The following HIBADH variants were observed in gnomAD, a reference collection of about 807,000 sequenced individuals.
HIBADH encodes the protein 3-hydroxyisobutyrate dehydrogenase, mitochondrial.
Under a neutral mutation model 36.1 loss-of-function variants are expected in HIBADH, and 25 were observed. The ratio of observed to expected loss-of-function variants is 0.69; its 90% CI spans 0.50 to 0.97. HIBADH has a LOEUF of 0.97. Among genes scored for constraint, HIBADH ranks in the 50% least tolerant of loss-of-function variants. The pLI, the probability that HIBADH is intolerant of heterozygous loss-of-function variation, is 0.00. For missense variants in HIBADH, 421 were observed against 418.0 expected, an observed-to-expected ratio of 1.01 and a Z score of -0.06; for synonymous variants, 160 against 149.5, an observed-to-expected ratio of 1.07 and a Z score of -0.51.
chr7:27,547,257 T>C (rs935061396), intron 4 of HIBADH, among the ~76,000 whole-genome samples: 1 of 152,216 alleles, frequency 6.6e-6, no homozygotes, highest in Non-Finnish European at 1.5e-5. Context: ...TTCCCCCAGA[T>C]ACTCATGACT....
At chr7:27,530,224 G>A (rs1349970044) in intron 7 of HIBADH, among the ~76,000 whole-genome samples, 1 of 150,380 alleles carries the variant, frequency 6.6e-6, no homozygotes, top group Non-Finnish European at 1.5e-5. Flanking sequence ...TTTTCTATTT[G>A]AGACGAAGTC....
chr7:27,526,443 G>T, intron 7 of HIBADH, 71 bp from the exon 8 acceptor site: 1 of 1,246,100 alleles, frequency 8.0e-7, no homozygotes, highest in Non-Finnish European at 1.1e-6. Context: ...GGTTCCTTAT[G>T]TTTTGGTTTG....
intron 4 of HIBADH, among the ~76,000 whole-genome samples, chr7:27,599,343 C>T (rs953830210): frequency 6.6e-6 from 1 of 152,158 alleles, no homozygotes; most frequent in African/African-American, 2.4e-5. Context: ...AATTTCCCTT[C>T]CCAAACTTTG....
chr7:27,613,468 CT>C (rs1434558368), intron 4 of HIBADH, among the ~76,000 whole-genome samples: 1 of 151,182 alleles, frequency 6.6e-6, no homozygotes, highest in Non-Finnish European at 1.5e-5. Flanking sequence ...AGAATATGTA[CT>C]AAGGAACTGT....
intron 4 of HIBADH, among the ~76,000 whole-genome samples, chr7:27,614,153 G>A (rs1216322819): frequency 6.6e-6 from 1 of 152,144 alleles, no homozygotes; most frequent in Non-Finnish European, 1.5e-5. Flanking sequence ...GCAAGTATTA[G>A]TATGTTTTTC....
intron 1 of HIBADH, among the ~76,000 whole-genome samples, chr7:27,659,896 A>AT (rs11411482): frequency 0.2 from 30,758 of 151,568 alleles, 3,531 homozygotes; most frequent in Non-Finnish European, 0.27. Flanking sequence ...CTCAAAAAAC[A>AT]TTTTTTTTTA....
At chr7:27,644,593 C>T (rs1786026641) in intron 2 of HIBADH, among the ~76,000 whole-genome samples, 1 of 111,106 alleles carries the variant, frequency 9.0e-6, no homozygotes, top group Non-Finnish European at 1.8e-5. Context: ...GAGCAAGACT[C>T]CATCTCAAAA....
chr7:27,654,037 A>G (rs1233695524), intron 1 of HIBADH, among the ~76,000 whole-genome samples: 2 of 152,212 alleles, frequency 1.3e-5, no homozygotes, highest in Non-Finnish European at 2.9e-5. Flanking sequence ...TAGAATTATG[A>G]AAGATATTTT....
intron 4 of HIBADH, among the ~76,000 whole-genome samples, chr7:27,611,083 A>G (rs1235065660): frequency 2.0e-5 from 3 of 152,238 alleles, no homozygotes; most frequent in African/African-American, 7.2e-5. Flanking sequence ...TCAGCCAAGT[A>G]GAGTATAAAA....
chr7:27,542,873 G>T, intron 5 of HIBADH, 94 bp downstream of exon 5: 1 of 1,309,858 alleles, frequency 7.6e-7, no homozygotes, highest in Non-Finnish European at 1.1e-6. Context: ...TCCATAGGTT[G>T]AAGAAAGAAG....
intron 1 of HIBADH, among the ~76,000 whole-genome samples, chr7:27,653,656 G>A (rs1264400525): frequency 6.6e-6 from 1 of 151,900 alleles, no homozygotes; most frequent in Admixed American, 6.6e-5. Flanking sequence ...AGAATGGCAT[G>A]AACCTGGGAG....
chr7:27,659,700 C>A (rs1786377847), intron 1 of HIBADH, among the ~76,000 whole-genome samples: 1 of 151,762 alleles, frequency 6.6e-6, no homozygotes, highest in South Asian at 2.1e-4. Context: ...CCAGCCTGGA[C>A]AAGAGAGAGA....
intron 5 of HIBADH, among the ~76,000 whole-genome samples, chr7:27,540,402 A>G (rs1784131100): frequency 6.6e-6 from 1 of 152,138 alleles, no homozygotes; most frequent in African/African-American, 2.4e-5. Context: ...GAATTAATCC[A>G]AGATCCATAT....
chr7:27,574,622 A>T (rs1468793251), intron 4 of HIBADH, among the ~76,000 whole-genome samples: 1 of 152,138 alleles, frequency 6.6e-6, no homozygotes, highest in African/African-American at 2.4e-5. Context: ...TAGAGAAAAA[A>T]AGTGGTTATG....
At chr7:27,559,821 T>G (rs934612379) in intron 4 of HIBADH, among the ~76,000 whole-genome samples, 1 of 152,222 alleles carries the variant, frequency 6.6e-6, no homozygotes, top group Non-Finnish European at 1.5e-5. Context: ...TCTATTAAAC[T>G]AAGCATCACT....
At chr7:27,595,515 C>T (rs1307394496) in intron 4 of HIBADH, among the ~76,000 whole-genome samples, 1 of 140,834 alleles carries the variant, frequency 7.1e-6, no homozygotes, top group South Asian at 2.4e-4. Context: ...CCAGCCTAGG[C>T]GAAAGAGACT....
chr7:27,661,669 G>GA (rs373174644), intron 1 of HIBADH, among the ~76,000 whole-genome samples: 298 of 148,014 alleles, frequency 2.0e-3, no homozygotes, highest in Middle Eastern at 7.1e-3. Flanking sequence ...GCAAAGATTA[G>GA]AAAAAATTAA....
At chr7:27,661,124 TCAAA>T (rs2128298493) in intron 1 of HIBADH, among the ~76,000 whole-genome samples, 1 of 152,294 alleles carries the variant, frequency 6.6e-6, no homozygotes, top group East Asian at 1.9e-4. Context: ...TATATGAAGC[TCAAA>T]CAGTGGTTAC....
At chr7:27,590,853 A>G (rs1194032970) in intron 4 of HIBADH, among the ~76,000 whole-genome samples, 1 of 152,214 alleles carries the variant, frequency 6.6e-6, no homozygotes, top group East Asian at 1.9e-4. Context: ...ACTACCAGGT[A>G]CGGTTAAGTG....
Sources: allele counts gnomAD v4.1 joint callset (sites outside exome capture counted in the v4.1 genomes callset), GRCh38; gene constraint gnomAD v4.1.1; transcripts MANE v1.5; gene names NCBI Gene and HGNC (gene_info 2026-07-23, HGNC 2026-07-21).